MBNL2: variants seen among roughly 807,000 people sequenced by gnomAD.
MBNL2 encodes muscleblind-like protein 2.
Under a neutral mutation model 41.9 loss-of-function variants are expected in MBNL2, and 17 were observed. The observed-to-expected ratio is 0.41, with a 90% CI of 0.28 to 0.61. MBNL2 has a LOEUF of 0.61. MBNL2 is among the 20% of genes least tolerant of loss of function. The pLI is 0.35. For synonymous variants in MBNL2, 195 were observed against 182.9 expected, an observed-to-expected ratio of 1.07 and a Z score of -0.53; for missense variants, 336 against 505.6, an observed-to-expected ratio of 0.66 and a Z score of 3.22.
chr13:97,142,525 A>C, the MBNL2 span, among the ~76,000 whole-genome samples: 1 of 152,238 alleles, frequency 6.6e-6, no homozygotes, highest in South Asian at 2.1e-4. Context: ...ATACCTCCAC[A>C]CATAGTGTGG....
chr13:97,216,224 A>AC, the MBNL2 span, among the ~76,000 whole-genome samples: 2 of 152,152 alleles, frequency 1.3e-5, no homozygotes, highest in African/African-American at 4.8e-5. Context: ...ATGTTAAAAA[A>AC]AATACTAATC....
the MBNL2 span, among the ~76,000 whole-genome samples, chr13:97,192,406 T>C: frequency 1.3e-5 from 2 of 152,090 alleles, no homozygotes; most frequent in Non-Finnish European, 2.9e-5. Context: ...ATGCAAACAG[T>C]CAGAGGCAGA....
chr13:97,193,725 C>A, the MBNL2 span, among the ~76,000 whole-genome samples: 2 of 152,080 alleles, frequency 1.3e-5, no homozygotes, highest in African/African-American at 2.4e-5. Flanking sequence ...GGAAAGGAAA[C>A]CACAGTGGCT....
At chr13:97,356,118 C>T (rs1194399189) in intron 5 of MBNL2, among the ~76,000 whole-genome samples, 1 of 152,180 alleles carries the variant, frequency 6.6e-6, no homozygotes, top group Non-Finnish European at 1.5e-5. Flanking sequence ...CTTTAGTCCA[C>T]ATTACAAGAC....
At chr13:97,230,288 A>G (rs373421723) in intron 1 of MBNL2, among the ~76,000 whole-genome samples, 78 of 152,346 alleles carry the variant, frequency 5.1e-4, no homozygotes, top group African/African-American at 1.9e-3. Context: ...AGTGATATCA[A>G]TGGTACCCTG....
intron 1 of MBNL2, among the ~76,000 whole-genome samples, chr13:97,242,768 T>C (rs1309331341): frequency 1.4e-5 from 2 of 140,692 alleles, no homozygotes; most frequent in Admixed American, 1.4e-4. Flanking sequence ...ACTTGTTCCT[T>C]TTTTTTTTTT....
At chr13:97,296,979 C>T (rs1281510728) in intron 2 of MBNL2, among the ~76,000 whole-genome samples, 1 of 152,166 alleles carries the variant, frequency 6.6e-6, no homozygotes, top group Admixed American at 6.5e-5. Flanking sequence ...GAAAGGGCAT[C>T]CCAGTCAAGG....
At chr13:97,273,344 G>A (rs1334727435) in intron 1 of MBNL2, among the ~76,000 whole-genome samples, 2 of 152,172 alleles carry the variant, frequency 1.3e-5, no homozygotes, top group South Asian at 2.1e-4. Flanking sequence ...GGAGCTAGAG[G>A]TGCAGGTTGA....
chr13:97,142,746 G>A, the MBNL2 span, among the ~76,000 whole-genome samples: 2 of 152,188 alleles, frequency 1.3e-5, no homozygotes, highest in African/African-American at 4.8e-5. Context: ...CCCTACCCAA[G>A]GAATTGTAAC....
intron 8 of MBNL2, among the ~76,000 whole-genome samples, chr13:97,382,529 A>C (rs2065550512): frequency 6.6e-6 from 1 of 152,202 alleles, no homozygotes; most frequent in African/African-American, 2.4e-5. Context: ...GTGGAGTCGG[A>C]ATGGGAAGTA....
At chr13:97,230,326 G>C (rs79884187) in intron 1 of MBNL2, among the ~76,000 whole-genome samples, 1 of 152,182 alleles carries the variant, frequency 6.6e-6, no homozygotes, top group Non-Finnish European at 1.5e-5. Flanking sequence ...CTGAAAAAGG[G>C]ACCAATAAAT....
At chr13:97,176,874 C>T in the MBNL2 span, among the ~76,000 whole-genome samples, 4 of 152,180 alleles carry the variant, frequency 2.6e-5, no homozygotes, top group South Asian at 4.2e-4. Context: ...CACCAAACAA[C>T]GTTTTTAGTC....
chr13:97,317,216 C>T (rs1322830819), intron 2 of MBNL2, among the ~76,000 whole-genome samples: 1 of 152,178 alleles, frequency 6.6e-6, no homozygotes, highest in African/African-American at 2.4e-5. Context: ...CTATAAGTGT[C>T]ACTCTGTTCC....
intron 2 of MBNL2, among the ~76,000 whole-genome samples, chr13:97,316,022 G>A (rs937190077): frequency 1.3e-5 from 2 of 152,126 alleles, no homozygotes; most frequent in African/African-American, 4.8e-5. Flanking sequence ...CCTCTCTCCT[G>A]GACTCTAGAT....
intron 1 of MBNL2, among the ~76,000 whole-genome samples, chr13:97,246,185 T>C (rs1004667165): frequency 6.6e-6 from 1 of 152,152 alleles, no homozygotes; most frequent in African/African-American, 2.4e-5. Context: ...TAAACAGGAC[T>C]CTTGTAGTGA....
At chr13:97,180,740 T>TAAA in the MBNL2 span, among the ~76,000 whole-genome samples, 5 of 86,002 alleles carry the variant, frequency 5.8e-5, no homozygotes, top group East Asian at 3.4e-4. Flanking sequence ...AGACTCCATC[T>TAAA]AAAAAAAAAA....
At chr13:97,181,186 T>C in the MBNL2 span, among the ~76,000 whole-genome samples, 1 of 152,056 alleles carries the variant, frequency 6.6e-6, no homozygotes, top group East Asian at 1.9e-4. Context: ...TGTGCTTACA[T>C]GGAGCCCATT....
At chr13:97,360,719 G>A (rs1380216462) in intron 7 of MBNL2, among the ~76,000 whole-genome samples, 9 of 152,202 alleles carry the variant, frequency 5.9e-5, no homozygotes, top group Non-Finnish European at 8.8e-5. Context: ...TCACAGATAC[G>A]ACAGCTGAAA....
the MBNL2 span, among the ~76,000 whole-genome samples, chr13:97,167,267 A>G: frequency 2.6e-5 from 4 of 152,222 alleles, no homozygotes; most frequent in African/African-American, 7.2e-5. Flanking sequence ...GGGTGCCTTT[A>G]GCTTAAAGAG....
Sources: gnomAD v4.1 joint callset for allele counts (sites outside exome capture counted in the v4.1 genomes callset) on GRCh38, gnomAD v4.1.1 for gene constraint, MANE v1.5 for transcripts, NCBI Gene and HGNC (gene_info 2026-07-23, HGNC 2026-07-21) for gene names.